Variants in CMPK2 observed in about 807,000 individuals in gnomAD.
CMPK2 encodes the protein UMP-CMP kinase 2, mitochondrial.
Under a neutral mutation model 33.4 loss-of-function variants are expected in CMPK2, and 32 were observed. The ratio of observed to expected loss-of-function variants is 0.96; its 90% CI spans 0.72 to 1.29. CMPK2 has a LOEUF of 1.29. Ranked by LOEUF, CMPK2 falls within the 50% of genes most tolerant of loss-of-function variation. CMPK2 has a pLI of 0.00. For missense variants in CMPK2, 672 were observed against 616.0 expected, an observed-to-expected ratio of 1.09 and a Z score of -0.96; for synonymous variants, 299 against 275.3, an observed-to-expected ratio of 1.09 and a Z score of -0.85.
chr2:6,865,806 G>A lies in CMPK2; in HGVS notation c.-110C>T, dbSNP rs1290136332. On this transcript the variant is annotated 5_prime_UTR_variant, in exon 1 of 5. Transcript: ENST00000256722. ...AGGGAGCCAGGCGCCAGCGGGAAAC[G>A]AAAGCGAAGCGTTGCGGGGAAACGA... 1.6e-6 allele frequency: 2 copies of A among 1,263,028 alleles called. No individual in the cohort carries two copies. Among genetic ancestry groups the A allele is most frequent in the Admixed American group, 4.4e-5 (1 of 22,882 alleles). The allele number at this position is 1,263,028 out of a possible 1,614,324, so 78.2% of individuals were successfully genotyped here.
intron 3 of CMPK2, among the ~76,000 whole-genome samples, chr2:6,858,777 A>AGCAGTGTGGCG (rs1160790604): frequency 6.6e-6 from 1 of 152,236 alleles, no homozygotes; most frequent in African/African-American, 2.4e-5. Flanking sequence ...CGTCTTTATC[A>AGCAGTGTGGCG]GCAGTGTGAA....
rs917577057 is a variant in CMPK2 at position 6,849,821 on chromosome 2, T to C, written c.*29A>G. The C allele has an allele frequency of 6.2e-7, 1 of 1,612,486 alleles. No individual in the cohort carries two copies. The highest frequency in any genetic ancestry group is 1.3e-5 in the African/African-American group (1 of 74,908). ...TAGATGTTTCAAACAACATCTAATC[T>C]AGTTAGACGTGGCACCTGGCCAGAG... On this transcript the variant is annotated 3_prime_UTR_variant, in exon 5 of 5. Coordinates refer to ENST00000256722, the MANE Select transcript of CMPK2 (RefSeq NM_207315.4).
chr2:6,851,011 G>T (rs1662504404), intron 4 of CMPK2: 1 of 1,019,030 alleles, frequency 9.8e-7, no homozygotes, highest in African/African-American at 1.7e-5. Context: ...CCTTAAAGTT[G>T]TAAACTGTAA....
chr2:6,866,459 C>T (rs533735990), upstream of CMPK2: 2 of 985,722 alleles, frequency 2.0e-6, no homozygotes, highest in South Asian at 4.7e-5. Flanking sequence ...CTTGGAATTG[C>T]CCTCTCCCTT....
chr2:6,861,503 G>A (rs1372641555), intron 2 of CMPK2, 118 bp from the exon 3 acceptor site: 1 of 741,020 alleles, frequency 1.3e-6, no homozygotes, highest in Non-Finnish European at 2.2e-6. Flanking sequence ...TAAATAACAG[G>A]ATTCTTTATA....
intron 3 of CMPK2, among the ~76,000 whole-genome samples, chr2:6,853,347 T>C (rs1662582397): frequency 6.6e-6 from 1 of 152,184 alleles, no homozygotes; most frequent in Non-Finnish European, 1.5e-5. Flanking sequence ...ATTCCCTGTG[T>C]TACCTGAACT....
At chr2:6,854,336 T>C (rs1662620921) in intron 3 of CMPK2, among the ~76,000 whole-genome samples, 1 of 152,190 alleles carries the variant, frequency 6.6e-6, no homozygotes, top group Non-Finnish European at 1.5e-5. Flanking sequence ...GACTCCAACC[T>C]TAACCACAGT....
intron 3 of CMPK2, among the ~76,000 whole-genome samples, chr2:6,859,894 GAA>G (rs1167714889): frequency 6.6e-6 from 1 of 152,188 alleles, no homozygotes; most frequent in Non-Finnish European, 1.5e-5. Flanking sequence ...CATGCACCTG[GAA>G]AAGCTGCAGA....
Position 6,865,664 on chromosome 2 carries a change from T to C in CMPK2, c.33A>G (p.Pro11=), listed in dbSNP as rs1465303558. 55 of 1,312,384 alleles carry C rather than the reference T, an allele frequency of 4.2e-5. No individual in the cohort carries two copies. Among genetic ancestry groups the C allele is most frequent in the Middle Eastern group, 2.9e-4 (1 of 3,460 alleles). The allele number at this position is 1,312,384 out of a possible 1,614,324, so 81.3% of individuals were successfully genotyped here. A position where few individuals can be genotyped will look rare whatever the true frequency, so the allele number is the denominator to read the frequency against. ...GCCGCCCGAGCAGCGGCCCCGACAG[T>C]GGCCCGCGCAGGAGCCGGCGGGCGA... MAFARRLLRG[P]LSGPLLGRRG... Residue 11 remains proline (P), a synonymous_variant, in exon 1 of 5, where the codon CCA becomes CCG. Coordinates refer to ENST00000256722, the MANE Select transcript of CMPK2 (RefSeq NM_207315.4).
At chr2:6,864,259 G>C (rs1662978414) in intron 1 of CMPK2, 1 of 152,222 alleles carries the variant, frequency 6.6e-6, no homozygotes, top group Non-Finnish European at 1.5e-5. Flanking sequence ...CTGAGGCAGA[G>C]AGTTGAAGAA....
At chr2:6,860,509 T>C (rs1662839698) in intron 3 of CMPK2, among the ~76,000 whole-genome samples, 1 of 152,204 alleles carries the variant, frequency 6.6e-6, no homozygotes, top group African/African-American at 2.4e-5. Flanking sequence ...TCACAAGGTC[T>C]GATGATTTTA....
chr2:6,850,310 T>C (rs1382465469), intron 4 of CMPK2, among the ~76,000 whole-genome samples: 2 of 152,322 alleles, frequency 1.3e-5, no homozygotes, highest in Admixed American at 6.5e-5. Context: ...CTCAAAGAAT[T>C]TAGGTAATTT....
In CMPK2 at chr2:6,863,554, G is replaced by A. The variant is rs745874619; in HGVS notation, c.700C>T (p.Arg234Trp). ...EECTSFIPEA[R>W]AVLDLVDQCP... is the part of the protein sequence containing the mutation. ...TGGTCGACCAGGTCAAGCACTGCCCGGGCTTCAGGAATAAAGGAGGTACAC... is the reference window on the plus strand; with the variant it reads ...TGGTCGACCAGGTCAAGCACTGCCCAGGCTTCAGGAATAAAGGAGGTACAC... Residue 234 changes from arginine to tryptophan, a missense_variant, in exon 2 of 5, where the codon CGG becomes TGG. Coordinates refer to ENST00000256722, the MANE Select transcript of CMPK2 (RefSeq NM_207315.4). The A allele has an allele frequency of 2.5e-5, 41 of 1,613,824 alleles. No individual in the cohort carries two copies. Among genetic ancestry groups the A allele is most frequent in the African/African-American group, 5.3e-5 (4 of 74,872 alleles).
rs773242606 is a variant in CMPK2 at position 6,851,512 on chromosome 2, G to A, written c.1164C>T (p.Gly388=). 1.2e-6 allele frequency: 2 copies of A among 1,614,210 alleles called. No individual in the cohort carries two copies. Among genetic ancestry groups the A allele is most frequent in the South Asian group, 2.2e-5 (2 of 91,080 alleles). The change falls in exon 4 of 5, where the codon GGC becomes GGT. Residue 388 remains glycine (G), a synonymous_variant. Coordinates refer to ENST00000256722, the MANE Select transcript of CMPK2 (RefSeq NM_207315.4). ...CTTCCCTGGTCTTCTCCATGCCCCG[G>A]CCCTGCAGCCTCTGCAACCTCTCCT... ...SPEERLQRLQ[G]RGMEKTREEA... is the part of the protein sequence containing the mutation.
At chr2:6,864,906 A>G (rs1279734578) in intron 1 of CMPK2, 116 bp downstream of exon 1, 10 of 1,308,660 alleles carry the variant, frequency 7.6e-6, no homozygotes, top group Non-Finnish European at 6.9e-6. Context: ...TTGTGAACGG[A>G]AATAAACAAA....
At chr2:6,842,571 C>G (rs1662259663) in intron 3 of CMPK2, among the ~76,000 whole-genome samples, 1 of 152,236 alleles carries the variant, frequency 6.6e-6, no homozygotes, top group Non-Finnish European at 1.5e-5. Flanking sequence ...ACTCCCAAAG[C>G]TATCCCCTTC....
At chr2:6,845,920 T>G (rs1475375173), downstream of CMPK2, among the ~76,000 whole-genome samples, 1 of 152,094 alleles carries the variant, frequency 6.6e-6, no homozygotes. Context: ...AGCTAAGATT[T>G]GTCTTATCAG....
chr2:6,863,415 C>T (rs985673289), intron 2 of CMPK2, 49 bp downstream of exon 2: 1 of 1,493,428 alleles, frequency 6.7e-7, no homozygotes, highest in African/African-American at 1.4e-5. Flanking sequence ...GTTTCTGCAA[C>T]TAATCAGTTA....
rs78874706 is a variant in CMPK2, at chr2:6,842,607, C to T, written c.993-1929G>A. ...CTTTCTGAGATGTGCAGATTAAATG[C>T]CCTCCCTATGGAAAGACTGAGGGTT... On this transcript the variant is annotated intron_variant, in intron 3 of 3. Coordinates refer to the CMPK2 transcript ENST00000458098. Among the ~76,000 whole-genome samples the T allele has an allele frequency of 1.7e-3, 253 of 152,310 alleles. 2 individuals are homozygous for T. Among genetic ancestry groups the T allele is most frequent in the African/African-American group, 5.9e-3 (246 of 41,562 alleles).
Sources: gnomAD v4.1 joint callset for allele counts (sites outside exome capture counted in the v4.1 genomes callset) on GRCh38, gnomAD v4.1.1 for gene constraint, MANE v1.5 for transcripts, NCBI Gene and HGNC (gene_info 2026-07-23, HGNC 2026-07-21) for gene names.